ROCK1: variants seen among roughly 807,000 people sequenced by gnomAD.
ROCK1 encodes Rho associated coiled-coil containing protein kinase 1, also known as rho-associated protein kinase 1.
A neutral mutation model predicts 196.8 loss-of-function variants in ROCK1; 36 were observed. The ratio of observed to expected loss-of-function variants is 0.18; its 90% CI spans 0.14 to 0.24. The LOEUF is 0.24. Ranked by LOEUF, ROCK1 falls within the 10% of genes least tolerant of loss-of-function variation. The pLI is 1.00. For missense variants in ROCK1, 920 were observed against 1,562.0 expected (o/e 0.59, Z 6.93); for synonymous variants, 443 against 515.9 (o/e 0.86, Z 1.91).
At chr18:21,057,349 A>C (rs537386716) in intron 2 of ROCK1, among the ~76,000 whole-genome samples, 2 of 152,340 alleles carry the variant, frequency 1.3e-5, no homozygotes, top group African/African-American at 4.8e-5. Flanking sequence ...CTAGCTAATC[A>C]TTAGAGCTAG....
intron 1 of ROCK1, among the ~76,000 whole-genome samples, chr18:21,094,830 T>C (rs567905322): frequency 6.6e-6 from 1 of 151,246 alleles, no homozygotes; most frequent in African/African-American, 2.4e-5. Flanking sequence ...GCAGATCACC[T>C]GAGGTCTGGA....
At chr18:20,954,661 T>A (rs1268052804) in intron 31 of ROCK1, 122 bp downstream of exon 31, 72 of 1,000,526 alleles carry the variant, frequency 7.2e-5, no homozygotes, top group Non-Finnish European at 9.6e-5. Context: ...CCCACCAGTG[T>A]CAAAATAATA....
At chr18:20,983,857 T>C (rs2035555069) in intron 20 of ROCK1, among the ~76,000 whole-genome samples, 1 of 152,202 alleles carries the variant, frequency 6.6e-6, no homozygotes, top group Non-Finnish European at 1.5e-5. Flanking sequence ...GCATAAGATA[T>C]ATCCACTTTT....
At chr18:20,977,615 A>C (rs1006424101) in intron 22 of ROCK1, among the ~76,000 whole-genome samples, 34 of 152,248 alleles carry the variant, frequency 2.2e-4, no homozygotes, top group African/African-American at 8.2e-4. Flanking sequence ...ATAGCTGCAC[A>C]AAGCACAGTA....
At chr18:21,013,503 G>A (rs1354611113) in intron 13 of ROCK1, among the ~76,000 whole-genome samples, 5 of 152,202 alleles carry the variant, frequency 3.3e-5, no homozygotes, top group Non-Finnish European at 7.3e-5. Flanking sequence ...GGAAAGTTCT[G>A]ACTCCCTACC....
At chr18:21,108,175 A>T (rs1223523198) in intron 1 of ROCK1, among the ~76,000 whole-genome samples, 1 of 152,202 alleles carries the variant, frequency 6.6e-6, no homozygotes, top group African/African-American at 2.4e-5. Flanking sequence ...CAAGATTATA[A>T]GATTTGAAGG....
intron 18 of ROCK1, among the ~76,000 whole-genome samples, chr18:20,988,134 C>T (rs1259610130): frequency 6.6e-6 from 1 of 151,880 alleles, no homozygotes; most frequent in African/African-American, 2.4e-5. Context: ...GGTGCAATCT[C>T]GATTCACTGC....
At chr18:21,045,537 G>A in intron 4 of ROCK1, 70 bp from the exon 5 acceptor site, 42 of 1,210,728 alleles carry the variant, frequency 3.5e-5, no homozygotes, top group Middle Eastern at 2.0e-4. Flanking sequence ...CTTAAAAAGT[G>A]GCAAAAATGT....
At chr18:20,990,951 G>A (rs569876541) in intron 18 of ROCK1, among the ~76,000 whole-genome samples, 3 of 151,922 alleles carry the variant, frequency 2.0e-5, no homozygotes, top group Admixed American at 2.0e-4. Context: ...GTAGAGACGG[G>A]GTTTCACCAC....
chr18:20,954,373 T>G (rs981828667), intron 31 of ROCK1, among the ~76,000 whole-genome samples: 1 of 148,212 alleles, frequency 6.7e-6, no homozygotes. Context: ...TGTCAGGAGT[T>G]CGAAACCAGC....
At chr18:20,973,958 G>C (rs575959843) in intron 22 of ROCK1, among the ~76,000 whole-genome samples, 106 of 151,954 alleles carry the variant, frequency 7.0e-4, no homozygotes, top group African/African-American at 2.4e-3. Flanking sequence ...TTTTAGTAGA[G>C]ACGGGGTTTC....
intron 10 of ROCK1, 24 bp downstream of exon 10, chr18:21,028,752 A>G: frequency 6.4e-7 from 1 of 1,573,762 alleles, no homozygotes; most frequent in Non-Finnish European, 8.6e-7. Context: ...ACTTACTCCT[A>G]TAATCACTGT....
At chr18:21,045,041 T>G in intron 5 of ROCK1, 1 of 231,376 alleles carries the variant, frequency 4.3e-6, no homozygotes, top group East Asian at 8.2e-5. Flanking sequence ...TTTTTTTTTT[T>G]TGTAGAGATG....
chr18:20,993,164 T>G (rs1037658185), intron 16 of ROCK1, among the ~76,000 whole-genome samples: 1 of 152,250 alleles, frequency 6.6e-6, no homozygotes, highest in South Asian at 2.1e-4. Context: ...GCCAAAGAGA[T>G]GAAGCCTCAG....
chr18:21,111,802 C>T lies in ROCK1; in HGVS notation c.-892G>A. The T allele has an allele frequency of 6.6e-6, 1 of 151,306 alleles. No individual in the cohort carries two copies. The highest frequency in any genetic ancestry group is 1.5e-5 in the Non-Finnish European group (1 of 67,788). 9.4% of individuals were successfully genotyped at this position (151,306 alleles called of 1,614,324 possible). A position where few individuals can be genotyped will look rare whatever the true frequency, so the allele number is the denominator to read the frequency against. ...TTCCTGTTCAAACAAACGGAGACCGCCGGGGCAGACTGCGCATGCGGGGCG... is the reference window on the plus strand; with the variant it reads ...TTCCTGTTCAAACAAACGGAGACCGTCGGGGCAGACTGCGCATGCGGGGCG... On this transcript the variant is annotated 5_prime_UTR_variant, in exon 1 of 33. Transcript: ENST00000399799. The surrounding 1 kb of genome is among the most constrained non-coding windows in gnomAD (Gnocchi z 4.2).
chr18:21,102,108 T>C (rs1168079093), intron 1 of ROCK1, among the ~76,000 whole-genome samples: 2 of 152,184 alleles, frequency 1.3e-5, no homozygotes, highest in South Asian at 2.1e-4. Context: ...TCACATTCTT[T>C]CCACTGTAAC....
intron 2 of ROCK1, among the ~76,000 whole-genome samples, chr18:21,066,491 A>G (rs1418765538): frequency 6.6e-6 from 1 of 152,204 alleles, no homozygotes. Flanking sequence ...CATAGAGTAA[A>G]TGATGCTTTT....
chr18:21,051,728 T>C lies in ROCK1; in HGVS notation c.176-1848A>G, dbSNP rs188591238. On this transcript the variant is annotated intron_variant, in intron 2 of 32. Coordinates refer to ENST00000399799, the MANE Select transcript of ROCK1 (RefSeq NM_005406.3). ...GAAATAGATCAAAGAAACTGCTCTG[T>C]TCTAAATGAGGTTAAAGGTGTCAGA... 2.8e-3 allele frequency among the ~76,000 whole-genome samples: 429 copies of C among 152,266 alleles called. 2 individuals carry two copies. Among genetic ancestry groups the C allele is most frequent in the Non-Finnish European group, 5.3e-3 (358 of 68,012 alleles).
chr18:21,104,093 G>A (rs1422833835), intron 1 of ROCK1, among the ~76,000 whole-genome samples: 2 of 152,110 alleles, frequency 1.3e-5, no homozygotes, highest in Non-Finnish European at 1.5e-5. Flanking sequence ...ATTATCTTCA[G>A]CAATAGAACT....
Sources: gnomAD v4.1 joint callset for allele counts (sites outside exome capture counted in the v4.1 genomes callset) on GRCh38, gnomAD v4.1.1 for gene constraint, Gnocchi (gnomAD v3.1) non-coding constraint, MANE v1.5 for transcripts, NCBI Gene and HGNC (gene_info 2026-07-23, HGNC 2026-07-21) for gene names.